KDM4B: variants seen among roughly 807,000 people sequenced by gnomAD.
KDM4B encodes the protein lysine-specific demethylase 4B.
KDM4B carries 32 observed loss-of-function variants against 125.2 expected under a neutral mutation model. The ratio of observed to expected loss-of-function variants is 0.26; its 90% CI spans 0.19 to 0.34. The LOEUF (loss-of-function observed/expected upper bound fraction) is 0.34, where lower values mean the gene tolerates loss of function less well. Ranked by LOEUF, KDM4B falls within the 10% of genes least tolerant of loss-of-function variation. The pLI is 1.00. For missense variants in KDM4B, 1,190 were observed against 1,577.7 expected, an observed-to-expected ratio of 0.75 and a Z score of 4.16; for synonymous variants, 721 against 677.9, an observed-to-expected ratio of 1.06 and a Z score of -0.99.
intron 11 of KDM4B, among the ~76,000 whole-genome samples, chr19:5,127,820 C>T (rs954385624): frequency 1.3e-5 from 2 of 152,156 alleles, no homozygotes; most frequent in Non-Finnish European, 2.9e-5. Context: ...CCTTGCCTCC[C>T]GAGCAGAACC....
intron 9 of KDM4B, among the ~76,000 whole-genome samples, chr19:5,110,002 C>T (rs2039109708): frequency 1.3e-5 from 2 of 152,246 alleles, no homozygotes; most frequent in South Asian, 4.1e-4. Flanking sequence ...CTCAGCCTCG[C>T]TGGTCTCTGG....
rs529901801 is a variant in KDM4B, at chr19:5,115,516, A to G, written c.1116-4137A>G. On this transcript the variant is annotated intron_variant, in intron 10 of 22. Transcript: ENST00000159111. This position sits in a 1 kb window ranked among gnomAD's most constrained non-coding sequence, Gnocchi z 4.2. Reference sequence around the variant, plus strand: ...AAAGTCACAGGCTCCTGCCCTCAGCAGCCCCTGCCACTGCCTTCACCAGGC... The same window carrying G: ...AAAGTCACAGGCTCCTGCCCTCAGCGGCCCCTGCCACTGCCTTCACCAGGC... 1.3e-4 allele frequency among the ~76,000 whole-genome samples: 20 copies of G among 152,304 alleles called. No homozygotes were observed. The South Asian group carries it at 4.1e-3, about 32-fold the overall frequency.
intron 18 of KDM4B, among the ~76,000 whole-genome samples, chr19:5,139,914 T>C (rs1354540095): frequency 6.6e-6 from 1 of 152,256 alleles, no homozygotes; most frequent in African/African-American, 2.4e-5. Context: ...TCAGCAATGA[T>C]GGCCCCCCTT....
chr19:5,108,485 TG>T (rs762763114), intron 9 of KDM4B, among the ~76,000 whole-genome samples: 1 of 151,922 alleles, frequency 6.6e-6, no homozygotes, highest in Non-Finnish European at 1.5e-5. Context: ...CTGGGTAAGG[TG>T]GGGGGAGGCA....
intron 8 of KDM4B, 72 bp downstream of exon 8, chr19:5,077,542 A>G: frequency 8.0e-7 from 1 of 1,253,514 alleles, no homozygotes; most frequent in South Asian, 1.2e-5. Flanking sequence ...GGCCGCACAT[A>G]CCCCAGGAGA....
chr19:4,992,594 T>A (rs923246520), intron 1 of KDM4B, among the ~76,000 whole-genome samples: 2 of 152,224 alleles, frequency 1.3e-5, no homozygotes, highest in South Asian at 2.1e-4. Context: ...ACCAGAGGCA[T>A]GTGCTACTAT....
intron 1 of KDM4B, among the ~76,000 whole-genome samples, chr19:4,995,441 G>A (rs1341450479): frequency 6.6e-6 from 1 of 152,094 alleles, no homozygotes; most frequent in South Asian, 2.1e-4. Context: ...ACCACATCCA[G>A]CTAATTTTTG....
At chr19:5,050,981 G>A (rs566289340) in intron 6 of KDM4B, among the ~76,000 whole-genome samples, 1 of 152,198 alleles carries the variant, frequency 6.6e-6, no homozygotes, top group South Asian at 2.1e-4. Flanking sequence ...ACCCTCCAAG[G>A]CCGGTCCTGC....
chr19:5,050,024 TGGG>T (rs1264099161), intron 6 of KDM4B, among the ~76,000 whole-genome samples: 1 of 152,090 alleles, frequency 6.6e-6, no homozygotes, highest in East Asian at 1.9e-4. Context: ...CTCGGGCCCT[TGGG>T]GTAGGTAGGG....
chr19:5,147,844 C>CGTGGAGTGCGCGCCTGCCTGCGAG (rs2039878831), intron 21 of KDM4B, among the ~76,000 whole-genome samples: 1 of 152,126 alleles, frequency 6.6e-6, no homozygotes, highest in East Asian at 1.9e-4. Flanking sequence ...AGCAAGCCAC[C>CGTGGAGTGCGCGCCTGCCTGCGAG]GTGGAGTGCG....
At position 5,119,100 on chromosome 19, in the gene KDM4B, G is replaced by A. The variant is rs534767441; in HGVS notation, c.1116-553G>A. On this transcript the variant is annotated intron_variant, in intron 10 of 22. Transcript: ENST00000159111. ...AGCAGAAGTCCTAGAGAAAAAACCC[G>A]TGAAATTTACATTCTAGACAAATTA... 152 of 1,488,062 alleles carry A rather than the reference G, an allele frequency of 1.0e-4. 1 individual carries two copies. In the South Asian group the frequency reaches 1.5e-3, roughly 15 times the overall value. 92.2% of individuals were successfully genotyped at this position (1,488,062 alleles called of 1,614,324 possible). A position where few individuals can be genotyped will look rare whatever the true frequency, so the allele number is the denominator to read the frequency against.
intron 1 of KDM4B, among the ~76,000 whole-genome samples, chr19:4,987,645 G>A (rs1355206296): frequency 6.6e-6 from 1 of 152,166 alleles, no homozygotes; most frequent in Non-Finnish European, 1.5e-5. Flanking sequence ...AGAATGAGGG[G>A]CTTGTCCGGG....
At chr19:5,120,500 A>T (rs63400761) in intron 11 of KDM4B, among the ~76,000 whole-genome samples, 30,654 of 128,638 alleles carry the variant, frequency 0.24, 4,026 homozygotes, top group East Asian at 0.63. Context: ...CTGGCAAGAC[A>T]GGGGGCAGCC....
At position 5,082,303 on chromosome 19, in the gene KDM4B, C is replaced by T; in HGVS notation, c.781-64C>T. 3.1e-6 allele frequency: 5 copies of T among 1,600,538 alleles called. No homozygotes were observed. The highest frequency in any genetic ancestry group is 4.3e-6 in the Non-Finnish European group (5 of 1,172,180). ...TCCCTGGCACTTGCTGGGAAGTGCC[C>T]ACGTCCCATCCCCTGGTGCGCCTCT... On this transcript the variant is annotated intron_variant, in intron 8 of 22. Coordinates refer to ENST00000159111, the MANE Select transcript of KDM4B (RefSeq NM_015015.3). This position sits in a 1 kb window ranked among gnomAD's most constrained non-coding sequence, Gnocchi z 5.4.
rs202020232 is a variant in KDM4B, at chr19:5,040,017, C to A, written c.317+6C>A. ...CGCCTGGCCAACAGCGAGAAGTACG[C>A]GGGGCGGGCAGGGCGGACCTGACCC... On this transcript the variant is annotated splice_donor_region_variant and intron_variant, in intron 4 of 22. Transcript: ENST00000159111. 6.2e-7 allele frequency: 1 copy of A among 1,607,882 alleles called. No homozygotes were observed. The highest frequency in any genetic ancestry group is 8.5e-7 in the Non-Finnish European group (1 of 1,176,504).
intron 3 of KDM4B, among the ~76,000 whole-genome samples, 164 bp downstream of exon 3, chr19:5,033,195 C>G (rs563605333): frequency 6.6e-6 from 1 of 152,208 alleles, no homozygotes; most frequent in Non-Finnish European, 1.5e-5. Context: ...TTGTGGAGTT[C>G]CAACAATGTG....
intron 9 of KDM4B, among the ~76,000 whole-genome samples, chr19:5,109,929 C>T (rs2039108184): frequency 6.6e-6 from 1 of 152,198 alleles, no homozygotes; most frequent in Admixed American, 6.5e-5. Context: ...TTTTACCTAC[C>T]TGGGGGCACC....
chr19:5,066,936 T>C (rs1161255648), intron 6 of KDM4B, among the ~76,000 whole-genome samples: 1 of 152,144 alleles, frequency 6.6e-6, no homozygotes, highest in Non-Finnish European at 1.5e-5. Flanking sequence ...GGAGTGGCGA[T>C]GCCCGGGTCC....
chr19:5,024,552 A>T (rs939775907), intron 2 of KDM4B, among the ~76,000 whole-genome samples: 4 of 151,818 alleles, frequency 2.6e-5, no homozygotes, highest in Non-Finnish European at 5.9e-5. Context: ...CGCCCATAAG[A>T]TGCAGCTGCT....
Sources: gnomAD v4.1 joint callset for allele counts (sites outside exome capture counted in the v4.1 genomes callset) on GRCh38, gnomAD v4.1.1 for gene constraint, Gnocchi (gnomAD v3.1) non-coding constraint, MANE v1.5 for transcripts, NCBI Gene and HGNC (gene_info 2026-07-23, HGNC 2026-07-21) for gene names.